GALNT13: variants seen among roughly 807,000 people sequenced by gnomAD.
GALNT13 encodes polypeptide N-acetylgalactosaminyltransferase 13.
GALNT13 carries 28 observed loss-of-function variants against 64.2 expected under a neutral mutation model. The ratio of observed to expected loss-of-function variants is 0.44; its 90% CI spans 0.32 to 0.60. GALNT13 has a LOEUF of 0.60. Among genes scored for constraint, GALNT13 ranks in the 20% least tolerant of loss-of-function variants. The probability of loss-of-function intolerance (pLI) is 0.05; values close to 1 mark genes in which losing one functional copy is unlikely to be tolerated. For synonymous variants in GALNT13, 214 were observed against 224.6 expected, an observed-to-expected ratio of 0.95 and a Z score of 0.42; for missense variants, 577 against 669.8, an observed-to-expected ratio of 0.86 and a Z score of 1.53.
the GALNT13 span, among the ~76,000 whole-genome samples, chr2:153,191,236 A>C: frequency 6.6e-6 from 1 of 151,840 alleles, no homozygotes; most frequent in Non-Finnish European, 1.5e-5. Flanking sequence ...TATTATGCTA[A>C]ACTATCTTCC....
At chr2:154,025,337 AAAAT>A (rs1328424128) in intron 3 of GALNT13, among the ~76,000 whole-genome samples, 1 of 152,178 alleles carries the variant, frequency 6.6e-6, no homozygotes, top group African/African-American at 2.4e-5. Context: ...TGTTTATCAA[AAAAT>A]AAATAAAGTT....
intron 9 of GALNT13, among the ~76,000 whole-genome samples, chr2:154,387,779 G>A (rs1389754480): frequency 6.6e-6 from 1 of 152,052 alleles, no homozygotes; most frequent in African/African-American, 2.4e-5. Context: ...GCTAAATAGT[G>A]CTTCATTGCA....
the GALNT13 span, among the ~76,000 whole-genome samples, chr2:153,439,884 C>G: frequency 6.6e-6 from 1 of 152,298 alleles, no homozygotes; most frequent in South Asian, 2.1e-4. Context: ...GTTGGAAATG[C>G]AGAAATCACC....
intron 3 of GALNT13, among the ~76,000 whole-genome samples, chr2:154,071,826 G>A (rs1700754031): frequency 6.6e-6 from 1 of 151,948 alleles, no homozygotes; most frequent in Admixed American, 6.6e-5. Context: ...CTTTTACTTG[G>A]TGATTTTACT....
chr2:153,641,378 A>G, the GALNT13 span, among the ~76,000 whole-genome samples: 38 of 152,198 alleles, frequency 2.5e-4, no homozygotes, highest in Admixed American at 2.5e-3. Flanking sequence ...TTTAATTTGC[A>G]TGGATAATAA....
chr2:153,924,649 A>G lies in GALNT13; in HGVS notation c.-104-19745A>G, dbSNP rs559539801. ...AGGAATTGCCATACTGCCTTCCACA[A>G]TGGTTGAACTAATTTATACTCTCAC... On this transcript the variant is annotated intron_variant, in intron 2 of 12. Transcript: ENST00000392825. 1.6e-4 allele frequency among the ~76,000 whole-genome samples: 24 copies of G among 152,290 alleles called. No individual in the cohort carries two copies. The South Asian group carries it at 2.9e-3, about 18-fold the overall frequency.
the GALNT13 span, among the ~76,000 whole-genome samples, chr2:153,828,627 T>A: frequency 2.0e-5 from 3 of 152,108 alleles, no homozygotes; most frequent in Non-Finnish European, 4.4e-5. Flanking sequence ...CCTCCAGTCG[T>A]GTGATGGAAG....
chr2:153,641,231 G>C, the GALNT13 span, among the ~76,000 whole-genome samples: 1 of 152,104 alleles, frequency 6.6e-6, no homozygotes, highest in Non-Finnish European at 1.5e-5. Flanking sequence ...TAATGTAAGC[G>C]TAAGAGCCAC....
chr2:153,768,720 G>A, the GALNT13 span, among the ~76,000 whole-genome samples: 1 of 152,168 alleles, frequency 6.6e-6, no homozygotes, highest in South Asian at 2.1e-4. Context: ...CAAAAAATTA[G>A]TTAGGCATGG....
At chr2:153,149,720 C>T in the GALNT13 span, among the ~76,000 whole-genome samples, 2 of 151,716 alleles carry the variant, frequency 1.3e-5, no homozygotes, top group African/African-American at 4.8e-5. Context: ...CCTACTGTGT[C>T]CTGACAAACA....
the GALNT13 span, among the ~76,000 whole-genome samples, chr2:153,391,179 GA>G: frequency 6.6e-6 from 1 of 152,044 alleles, no homozygotes; most frequent in Non-Finnish European, 1.5e-5. Context: ...AGGGAAATGA[GA>G]GGTTGTTGGA....
the GALNT13 span, among the ~76,000 whole-genome samples, chr2:153,602,010 T>TTTAATCCAATGTGGATTCTCATCCAAC: frequency 6.6e-6 from 1 of 152,006 alleles, no homozygotes; most frequent in South Asian, 2.1e-4. Context: ...AGAGCAAATA[T>TTTAATCCAATGTGGATTCTCATCCAAC]TTAATCCAAT....
At chr2:154,086,009 A>G (rs1558949509) in intron 3 of GALNT13, among the ~76,000 whole-genome samples, 1 of 151,782 alleles carries the variant, frequency 6.6e-6, no homozygotes, top group African/African-American at 2.4e-5. Context: ...CTGTTATACT[A>G]TGGTTGTTGC....
intron 3 of GALNT13, among the ~76,000 whole-genome samples, chr2:154,069,428 AT>A (rs1438164548): frequency 6.6e-6 from 1 of 151,956 alleles, no homozygotes; most frequent in Non-Finnish European, 1.5e-5. Context: ...ACCAAGAGAG[AT>A]TTTAATAGAT....
intron 3 of GALNT13, among the ~76,000 whole-genome samples, chr2:154,127,198 A>T (rs1042729906): frequency 1.3e-5 from 2 of 152,202 alleles, no homozygotes; most frequent in Admixed American, 1.3e-4. Context: ...ATAAAGAGCC[A>T]CTAAGCATAA....
the GALNT13 span, among the ~76,000 whole-genome samples, chr2:153,723,950 A>C: frequency 2.0e-5 from 3 of 150,796 alleles, no homozygotes; most frequent in Admixed American, 6.6e-5. Flanking sequence ...ATTGAAAAAA[A>C]CTACTTTAAA....
chr2:153,196,568 C>T, the GALNT13 span, among the ~76,000 whole-genome samples: 1 of 152,080 alleles, frequency 6.6e-6, no homozygotes, highest in Non-Finnish European at 1.5e-5. Flanking sequence ...TGCAGAGATG[C>T]CTGAGTCCTG....
At chr2:153,232,677 G>T in the GALNT13 span, among the ~76,000 whole-genome samples, 17 of 152,296 alleles carry the variant, frequency 1.1e-4, no homozygotes, top group African/African-American at 4.1e-4. Flanking sequence ...TAACTGAGGG[G>T]ACTGGCTGAC....
At chr2:153,497,522 A>ATCTTTTTT in the GALNT13 span, among the ~76,000 whole-genome samples, 1 of 36,896 alleles carries the variant, frequency 2.7e-5, no homozygotes, top group Non-Finnish European at 4.8e-5. Flanking sequence ...TTTCTCCCGC[A>ATCTTTTTT]TTTTTTTTTT....
Sources: allele counts gnomAD v4.1 joint callset (sites outside exome capture counted in the v4.1 genomes callset), GRCh38; gene constraint gnomAD v4.1.1; transcripts MANE v1.5; gene names NCBI Gene and HGNC (gene_info 2026-07-23, HGNC 2026-07-21).